Variants in AIMP2 observed in about 807,000 individuals in gnomAD.
AIMP2 encodes aminoacyl tRNA synthase complex-interacting multifunctional protein 2.
A neutral mutation model predicts 23.4 loss-of-function variants in AIMP2; 20 were observed. The ratio of observed to expected loss-of-function variants is 0.85; its 90% CI spans 0.60 to 1.24. The LOEUF (loss-of-function observed/expected upper bound fraction) is 1.24. AIMP2 is among the 50% of genes most tolerant of loss of function. AIMP2 has a pLI of 0.00. For synonymous variants in AIMP2, 210 were observed against 170.4 expected, an observed-to-expected ratio of 1.23 and a Z score of -1.81; for missense variants, 515 against 414.5, an observed-to-expected ratio of 1.24 and a Z score of -2.10.
At chr7:6,021,111 C>G (rs1787375090) in intron 3 of AIMP2, among the ~76,000 whole-genome samples, 2 of 152,046 alleles carry the variant, frequency 1.3e-5, no homozygotes, top group African/African-American at 4.8e-5. Context: ...CGAGTTAACA[C>G]CAAGGGCGTC....
chr7:6,013,670 C>G (rs1375288292), intron 1 of AIMP2, among the ~76,000 whole-genome samples: 3 of 152,126 alleles, frequency 2.0e-5, no homozygotes, highest in Admixed American at 2.0e-4. Context: ...GTGGCCTGGC[C>G]ACGTGTGGTG....
chr7:6,009,359 C>T lies in AIMP2; in HGVS notation c.-5C>T, dbSNP rs373211005. On this transcript the variant is annotated 5_prime_UTR_variant, in exon 1 of 4. Coordinates refer to ENST00000223029, the MANE Select transcript of AIMP2 (RefSeq NM_006303.4). The stretch of plus-strand genomic sequence containing the variant: ...CGCGCTACCCCCTTTTGCTTTGGTT[C>T]TGCCATGCCGATGTACCAGGTAAAG... 576 of 1,611,726 alleles carry T rather than the reference C, an allele frequency of 3.6e-4. No individual in the cohort carries two copies. Among genetic ancestry groups the T allele is most frequent in the Non-Finnish European group, 4.7e-4 (560 of 1,180,024 alleles).
intron 1 of AIMP2, among the ~76,000 whole-genome samples, chr7:6,009,974 A>AAATATACATATATATATATAT: frequency 3.8e-5 from 1 of 26,662 alleles, no homozygotes; most frequent in African/African-American, 1.4e-4. Context: ...AAAAAAAAAA[A>AAATATACATATATATATATAT]ATATATATAT....
intron 3 of AIMP2, among the ~76,000 whole-genome samples, chr7:6,018,907 A>G (rs936934600): frequency 6.6e-6 from 1 of 152,054 alleles, no homozygotes; most frequent in Admixed American, 6.6e-5. Context: ...ATACTAGTCT[A>G]TTATTTACAT....
chr7:6,012,495 A>C (rs1251758005), intron 1 of AIMP2, among the ~76,000 whole-genome samples: 3 of 152,142 alleles, frequency 2.0e-5, no homozygotes, highest in African/African-American at 7.2e-5. Context: ...CGCTGCACTC[A>C]GGGCTTAAAA....
Position 6,009,943 on chromosome 7 carries a change from C to T in AIMP2, c.135+445C>T, listed in dbSNP as rs1423486404. Among the ~76,000 whole-genome samples the T allele has an allele frequency of 7.5e-5, 4 of 53,644 alleles. No homozygotes were observed. The East Asian group carries it at 2.8e-3, about 37-fold the overall frequency. The allele number at this position is 53,644 out of a possible 152,430, so 35.2% of individuals were successfully genotyped here. Reference sequence around the variant, plus strand: ...GAGCCTGGGCAACAAGAGCTAAACTCTATCTCAAAAAAAAAAAAAAAAAAA... The same window carrying T: ...GAGCCTGGGCAACAAGAGCTAAACTTTATCTCAAAAAAAAAAAAAAAAAAA... On this transcript the variant is annotated intron_variant, in intron 1 of 3. Coordinates refer to ENST00000223029, the MANE Select transcript of AIMP2 (RefSeq NM_006303.4).
chr7:6,015,125 T>C, intron 1 of AIMP2, 21 bp from the exon 2 acceptor site: 1 of 1,613,834 alleles, frequency 6.2e-7, no homozygotes. Context: ...GAAATGAACA[T>C]TTGGCTGTTG....
chr7:6,020,924 G>C (rs1787356516), intron 3 of AIMP2, among the ~76,000 whole-genome samples: 1 of 152,194 alleles, frequency 6.6e-6, no homozygotes, highest in African/African-American at 2.4e-5. Context: ...GCTAACACCT[G>C]AGACTTAACG....
chr7:6,022,309 C>A (rs1370384931), intron 3 of AIMP2: 1 of 152,176 alleles, frequency 6.6e-6, no homozygotes, highest in Non-Finnish European at 1.5e-5. Flanking sequence ...ACAGACCATA[C>A]AAAACGTGTT....
intron 3 of AIMP2, 120 bp from the exon 4 acceptor site, chr7:6,023,183 A>T: frequency 8.2e-7 from 1 of 1,219,922 alleles, no homozygotes; most frequent in Non-Finnish European, 1.1e-6. Context: ...GTTCTTCTTG[A>T]AAACACCCTT....
chr7:6,023,245 C>T (rs1402695179), intron 3 of AIMP2, 58 bp from the exon 4 acceptor site: 16 of 1,520,312 alleles, frequency 1.1e-5, no homozygotes, highest in Middle Eastern at 2.2e-4. Flanking sequence ...CCCCACTGTG[C>T]GAGTACTTCC....
chr7:6,018,071 T>C (rs1039413744), intron 3 of AIMP2, 26 bp downstream of exon 3: 1 of 1,577,622 alleles, frequency 6.3e-7, no homozygotes, highest in Non-Finnish European at 8.7e-7. Context: ...TGAGTTCAAC[T>C]TACACACAGC....
Position 6,023,774 on chromosome 7 carries a change from G to C in AIMP2, c.*83G>C, listed in dbSNP as rs769948642. On this transcript the variant is annotated 3_prime_UTR_variant, in exon 4 of 4. Transcript: ENST00000223029. ...ATTATCAGTAAGGGGACTTGTATTA[G>C]AGTCAGAGTCTTTTTATTTAGGCCA... The C allele has an allele frequency of 1.2e-6, 2 of 1,604,606 alleles. No homozygotes were observed. Among genetic ancestry groups the C allele is most frequent in the East Asian group, 2.2e-5 (1 of 44,784 alleles).
chr7:6,021,076 A>G (rs1787371976), intron 3 of AIMP2, among the ~76,000 whole-genome samples: 4 of 152,234 alleles, frequency 2.6e-5, no homozygotes. Context: ...AAAGTTCTTC[A>G]ATGCTGCAGG....
chr7:6,023,175 T>G lies in AIMP2; in HGVS notation c.575-128T>G. The G allele has an allele frequency of 2.7e-6, 3 of 1,119,110 alleles. No individual in the cohort carries two copies. In the South Asian group the frequency reaches 4.9e-5, roughly 18 times the overall value. The allele number at this position is 1,119,110 out of a possible 1,614,324, so 69.3% of individuals were successfully genotyped here. The stretch of plus-strand genomic sequence containing the variant: ...TAGAGACAGACTGAAAATGTGATGT[T>G]CTTCTTGAAAACACCCTTTCCCATG... On this transcript the variant is annotated intron_variant, in intron 3 of 3. Coordinates refer to ENST00000223029, the MANE Select transcript of AIMP2 (RefSeq NM_006303.4).
intron 3 of AIMP2, chr7:6,022,517 T>A (rs1389283701): frequency 6.6e-6 from 1 of 152,212 alleles, no homozygotes; most frequent in African/African-American, 2.4e-5. Flanking sequence ...CAGCAAGGGT[T>A]TAGGACATTC....
chr7:6,023,597 G>A lies in AIMP2; in HGVS notation c.869G>A (p.Gly290Asp). Residue 290 changes from glycine to aspartate, a missense_variant, in exon 4 of 4, where the codon GGC (glycine) becomes GAC (aspartate). Coordinates refer to ENST00000223029, the MANE Select transcript of AIMP2 (RefSeq NM_006303.4). ...TGGTCTGTACTCCAGCAGATCGGAG[G>A]CTGCAGTGTGACAGTGCCAGCCAAT... ...VLWSVLQQIG[G>D]CSVTVPANVQ... 1 of 1,614,218 alleles carries A rather than the reference G, an allele frequency of 6.2e-7. No homozygotes were observed. Among genetic ancestry groups the A allele is most frequent in the Non-Finnish European group, 8.5e-7 (1 of 1,180,042 alleles).
intron 1 of AIMP2, among the ~76,000 whole-genome samples, chr7:6,011,863 A>C (rs1364733733): frequency 1.3e-5 from 2 of 152,262 alleles, no homozygotes; most frequent in Non-Finnish European, 2.9e-5. Context: ...CTGCTGCCTA[A>C]CTTCTTTTGG....
chr7:6,015,204 G>T lies in AIMP2; in HGVS notation c.194G>T (p.Arg65Leu), dbSNP rs1393448099. 6.2e-7 allele frequency: 1 copy of T among 1,613,994 alleles called. No homozygotes were observed. The highest frequency in any genetic ancestry group is 1.7e-5 in the Admixed American group (1 of 59,980). ...TCCCGCCAAGATGATATTTTAAAAC[G>T]TCTGTATGAGTTGAAAGCTGCAGTT... ...LESRQDDILKRLYELKAAVDG... is the reference protein window; with the variant it reads ...LESRQDDILKLLYELKAAVDG... The change falls in exon 2 of 4, where the codon CGT (arginine) becomes CTT (leucine). Residue 65 changes from arginine to leucine, a missense_variant. Physicochemically the swap from Arg to Leu is moderately radical, Grantham distance 102. Coordinates refer to ENST00000223029, the MANE Select transcript of AIMP2 (RefSeq NM_006303.4).
Sources: allele counts gnomAD v4.1 joint callset (sites outside exome capture counted in the v4.1 genomes callset), GRCh38; gene constraint gnomAD v4.1.1; transcripts MANE v1.5; gene names NCBI Gene and HGNC (gene_info 2026-07-23, HGNC 2026-07-21).